RAP2A: variants seen among roughly 807,000 people sequenced by gnomAD.
The protein encoded by RAP2A is RAP2A, member of RAS oncogene family, also known as ras-related protein Rap-2a.
RAP2A carries 5 observed loss-of-function variants against 15.1 expected under a neutral mutation model. That is an observed-to-expected ratio of 0.33 (90% CI 0.17 to 0.70). The LOEUF (loss-of-function observed/expected upper bound fraction) is 0.70. Ranked by LOEUF, RAP2A falls within the 30% of genes least tolerant of loss-of-function variation. The pLI, the probability that RAP2A is intolerant of heterozygous loss-of-function variation, is 0.68. For synonymous variants in RAP2A, 110 were observed against 99.7 expected, an observed-to-expected ratio of 1.10 and a Z score of -0.62; for missense variants, 111 against 240.3, an observed-to-expected ratio of 0.46 and a Z score of 3.56.
At chr13:97,455,317 G>A (rs943316505) in intron 1 of RAP2A, among the ~76,000 whole-genome samples, 2 of 151,414 alleles carry the variant, frequency 1.3e-5, no homozygotes, top group African/African-American at 2.4e-5. Flanking sequence ...ACCTCATAGA[G>A]CATGGTTATA....
intron 1 of RAP2A, among the ~76,000 whole-genome samples, chr13:97,444,169 T>C (rs1434764896): frequency 1.3e-5 from 2 of 152,206 alleles, no homozygotes; most frequent in African/African-American, 4.8e-5. Context: ...AACACTACGT[T>C]ATAGAACTTA....
At chr13:97,461,990 T>TATATATA (rs1566475726) in intron 1 of RAP2A, among the ~76,000 whole-genome samples, 1 of 141,786 alleles carries the variant, frequency 7.1e-6, no homozygotes, top group African/African-American at 2.7e-5. Flanking sequence ...ATATATATAT[T>TATATATA]TATATATTTA....
chr13:97,459,366 C>G (rs1427181960), intron 1 of RAP2A, among the ~76,000 whole-genome samples: 2 of 152,060 alleles, frequency 1.3e-5, no homozygotes, highest in Non-Finnish European at 2.9e-5. Context: ...CTGTCATCAC[C>G]CACTAACAAA....
chr13:97,464,141 C>T (rs1171812026), intron 1 of RAP2A, 64 bp from the exon 2 acceptor site: 10 of 1,525,048 alleles, frequency 6.6e-6, no homozygotes, highest in South Asian at 3.5e-5. Context: ...CGAAAATACA[C>T]GTGACCTGTT....
chr13:97,435,779 A>T (rs2066631420), intron 1 of RAP2A, among the ~76,000 whole-genome samples: 1 of 152,190 alleles, frequency 6.6e-6, no homozygotes, highest in Non-Finnish European at 1.5e-5. Context: ...ATTACACATT[A>T]CTGTTTCATC....
intron 1 of RAP2A, among the ~76,000 whole-genome samples, chr13:97,454,326 C>CTT (rs151107228): frequency 0.011 from 1,627 of 151,198 alleles, 59 homozygotes; most frequent in South Asian, 0.022. Context: ...TGCTAATATG[C>CTT]TTCAATTAGG....
chr13:97,461,184 C>A (rs534218878), intron 1 of RAP2A, among the ~76,000 whole-genome samples: 1 of 152,288 alleles, frequency 6.6e-6, no homozygotes, highest in East Asian at 1.9e-4. Flanking sequence ...GAAATGATCT[C>A]ATTGGCAGAA....
chr13:97,443,936 C>T (rs1360395517), intron 1 of RAP2A, among the ~76,000 whole-genome samples: 1 of 152,070 alleles, frequency 6.6e-6, no homozygotes, highest in Non-Finnish European at 1.5e-5. Context: ...AGATAACGAA[C>T]GTAAAGTGTT....
Position 97,466,147 on chromosome 13 carries a change from A to G in RAP2A, c.*1705A>G, listed in dbSNP as rs2066770071. The G allele has an allele frequency of 1.3e-5, 2 of 151,996 alleles. No individual in the cohort carries two copies. 9.4% of individuals were successfully genotyped at this position (151,996 alleles called of 1,614,324 possible). A position where few individuals can be genotyped will look rare whatever the true frequency, so the allele number is the denominator to read the frequency against. On this transcript the variant is annotated 3_prime_UTR_variant, in exon 2 of 2. Coordinates refer to ENST00000245304, the MANE Select transcript of RAP2A (RefSeq NM_021033.7). The stretch of plus-strand genomic sequence containing the variant: ...TTTAAATTATTAAAGTGTCTTTTAT[A>G]CTTTTATGAAATCATTGGTAGCCCC...
In RAP2A at chr13:97,434,808, TGGC is replaced by T. The variant is rs746801935; in HGVS notation, c.314+28_314+30del. 1.9e-6 allele frequency: 3 copies of T among 1,611,302 alleles called. No homozygotes were observed. The East Asian group carries it at 6.7e-5, about 36-fold the overall frequency. On this transcript the variant is annotated intron_variant, in intron 1 of 1. Coordinates refer to ENST00000245304, the MANE Select transcript of RAP2A (RefSeq NM_021033.7). ...CGGTGAGCGAGGGCACACGGGGGCTTGGCGGCTGCACCCCGGAGTCACCGTCCC... is the reference window on the plus strand; with the variant it reads ...CGGTGAGCGAGGGCACACGGGGGCTTGGCTGCACCCCGGAGTCACCGTCCC...
In RAP2A at chr13:97,434,578, C is replaced by T. The variant is rs2066624678; in HGVS notation, c.108C>T (p.Ile36=). Residue 36 remains isoleucine, a synonymous_variant, in exon 1 of 2, where the codon ATC becomes ATT. Transcript: ENST00000245304. ...GTFIEKYDPT[I]EDFYRKEIEV... ...TCATCGAGAAATACGACCCCACCAT[C>T]GAGGACTTCTACCGCAAGGAGATCG... 1 of 1,614,104 alleles carries T rather than the reference C, an allele frequency of 6.2e-7. No homozygotes were observed. The highest frequency in any genetic ancestry group is 8.5e-7 in the Non-Finnish European group (1 of 1,179,990).
intron 1 of RAP2A, among the ~76,000 whole-genome samples, chr13:97,456,084 A>G (rs2066721525): frequency 6.9e-6 from 1 of 145,382 alleles, no homozygotes; most frequent in South Asian, 2.2e-4. Context: ...CTACTGCCCC[A>G]GCTCTGCTAT....
rs775987529 is a variant in RAP2A at position 97,464,277 on chromosome 13, C to G, written c.387C>G (p.Ser129Arg). ...AAAGTGAGAGAGAAGTATCGTCCAG[C>G]GAAGGCAGAGCCCTTGCTGAAGAGT... ...DLESEREVSSSEGRALAEEWG... is the reference protein window; with the variant it reads ...DLESEREVSSREGRALAEEWG... The change falls in exon 2 of 2, where the codon AGC becomes AGG. Residue 129 changes from serine (S) to arginine (R), a missense_variant. Ser to Arg is a moderately radical substitution (Grantham distance 110). This residue lies in a region of RAP2A where 74 missense variants were observed against 132.3 expected (regional missense o/e 0.56). Transcript: ENST00000245304. 4 of 1,614,216 alleles carry G rather than the reference C, an allele frequency of 2.5e-6. No individual in the cohort carries two copies. Among genetic ancestry groups the G allele is most frequent in the Non-Finnish European group, 2.5e-6 (3 of 1,180,040 alleles).
In RAP2A at chr13:97,466,829, A is replaced by G. The variant is rs2066773711; in HGVS notation, c.*2387A>G. ...TGAGTGTTTCCACGCAGCCCTGCAT[A>G]TTTAGTGACCAAGGCATCAAGGACA... On this transcript the variant is annotated 3_prime_UTR_variant, in exon 2 of 2. Coordinates refer to ENST00000245304, the MANE Select transcript of RAP2A (RefSeq NM_021033.7). The G allele has an allele frequency of 2.0e-5, 3 of 152,322 alleles. 1 individual carries two copies. Among genetic ancestry groups the G allele is most frequent in the African/African-American group, 7.2e-5 (3 of 41,582 alleles). 9.4% of individuals were successfully genotyped at this position (152,322 alleles called of 1,614,324 possible).
intron 1 of RAP2A, among the ~76,000 whole-genome samples, chr13:97,443,246 A>G (rs1387291506): frequency 6.6e-6 from 1 of 152,230 alleles, no homozygotes; most frequent in Non-Finnish European, 1.5e-5. Context: ...AAAAACCTTT[A>G]TTTAAAACAT....
intron 1 of RAP2A, among the ~76,000 whole-genome samples, chr13:97,454,997 T>TCTC (rs61003179): frequency 0.015 from 2,209 of 151,496 alleles, 111 homozygotes; most frequent in African/African-American, 0.05. Context: ...TTTTGTTTGT[T>TCTC]CTATATGTAA....
rs1258410512 is a variant in RAP2A at position 97,453,048 on chromosome 13, T to A, written c.315-11157T>A. 2.6e-5 allele frequency among the ~76,000 whole-genome samples: 4 copies of A among 151,498 alleles called. 1 individual carries two copies. Among genetic ancestry groups the A allele is most frequent in the Non-Finnish European group, 5.9e-5 (4 of 67,884 alleles). ...TGTTTATAGTTTTTGTTTGTGTCTT[T>A]TTTTTCTTTGCCTTTTTGCACTGTC... On this transcript the variant is annotated intron_variant, in intron 1 of 1. Transcript: ENST00000245304.
intron 1 of RAP2A, among the ~76,000 whole-genome samples, chr13:97,441,391 G>A (rs1344197975): frequency 6.6e-6 from 1 of 152,130 alleles, no homozygotes; most frequent in African/African-American, 2.4e-5. Context: ...CAGCCAACAG[G>A]AAGAGCCAAC....
chr13:97,452,774 T>C (rs948180906), intron 1 of RAP2A, among the ~76,000 whole-genome samples: 4 of 151,382 alleles, frequency 2.6e-5, no homozygotes, highest in Admixed American at 6.6e-5. Context: ...AGTAAGTAAA[T>C]GTTATATATC....
Sources: allele counts gnomAD v4.1 joint callset (sites outside exome capture counted in the v4.1 genomes callset), GRCh38; gene constraint gnomAD v4.1.1; regional missense constraint gnomAD v4.1.1; transcripts MANE v1.5; gene names NCBI Gene and HGNC (gene_info 2026-07-23, HGNC 2026-07-21).